Variants in WDFY4 observed in about 807,000 individuals in gnomAD.
The protein encoded by WDFY4 is WDFY family member 4, also known as WD repeat- and FYVE domain-containing protein 4.
WDFY4 carries 169 observed loss-of-function variants against 351.9 expected under a neutral mutation model. That is an observed-to-expected ratio of 0.48 (90% confidence interval 0.42 to 0.55). The LOEUF (loss-of-function observed/expected upper bound fraction) is 0.55, where lower values mean the gene tolerates loss of function less well. WDFY4 is among the 20% of genes least tolerant of loss of function. The pLI is 0.00. For missense variants in WDFY4, 3,803 were observed against 3,935.6 expected (o/e 0.97, Z 0.90); for synonymous variants, 1,622 against 1,574.6 (o/e 1.03, Z -0.71).
At chr10:48,902,582 A>T (rs986192684) in intron 47 of WDFY4, among the ~76,000 whole-genome samples, 1 of 151,998 alleles carries the variant, frequency 6.6e-6, no homozygotes, top group Non-Finnish European at 1.5e-5. Flanking sequence ...ATAGCTTGTG[A>T]TACATGGTAT....
At chr10:48,933,072 A>G (rs1840124193) in intron 47 of WDFY4, among the ~76,000 whole-genome samples, 2 of 152,166 alleles carry the variant, frequency 1.3e-5, no homozygotes, top group Admixed American at 1.3e-4. Flanking sequence ...GGCCAGCTGC[A>G]GGCAGGAGAA....
At chr10:48,750,910 G>T (rs2065162933) in intron 12 of WDFY4, among the ~76,000 whole-genome samples, 1 of 152,228 alleles carries the variant, frequency 6.6e-6, no homozygotes, top group Non-Finnish European at 1.5e-5. Flanking sequence ...CCCTGTGAAT[G>T]GTCACTGAGT....
intron 13 of WDFY4, among the ~76,000 whole-genome samples, chr10:48,765,015 G>A (rs887959870): frequency 2.0e-5 from 3 of 152,222 alleles, no homozygotes; most frequent in Admixed American, 2.0e-4. Context: ...GACACAGAAA[G>A]AAGCATAAAG....
chr10:48,956,757 A>G (rs971065245), intron 51 of WDFY4, among the ~76,000 whole-genome samples: 1 of 152,182 alleles, frequency 6.6e-6, no homozygotes, highest in Non-Finnish European at 1.5e-5. Flanking sequence ...AGTCCCAGTC[A>G]CTAGCACTCT....
chr10:48,848,849 C>T (rs143367558), intron 39 of WDFY4, among the ~76,000 whole-genome samples: 76 of 152,340 alleles, frequency 5.0e-4, no homozygotes, highest in African/African-American at 1.0e-3. Flanking sequence ...ACAGAGTGCT[C>T]GCACAGGTGT....
chr10:48,703,279 G>T (rs1380191654), intron 1 of WDFY4, among the ~76,000 whole-genome samples: 1 of 152,210 alleles, frequency 6.6e-6, no homozygotes, highest in African/African-American at 2.4e-5. Flanking sequence ...TGAGGCACTG[G>T]CTTTTGCATG....
chr10:48,887,636 G>A (rs941022387), intron 43 of WDFY4, among the ~76,000 whole-genome samples: 17 of 152,076 alleles, frequency 1.1e-4, no homozygotes, highest in African/African-American at 2.9e-4. Flanking sequence ...AAAATTAGCC[G>A]GGCGTGGTGG....
chr10:48,946,055 A>G lies in WDFY4; in HGVS notation c.7765A>G (p.Asn2589Asp), dbSNP rs1480646062. 7 of 1,544,880 alleles carry G rather than the reference A, an allele frequency of 4.5e-6. No individual in the cohort carries two copies. The East Asian group carries it at 1.7e-4, about 38-fold the overall frequency. The change falls in exon 50 of 62, where the codon AAT (asparagine) becomes GAT (aspartate). Residue 2589 changes from asparagine (N) to aspartate (D), a missense_variant. By Grantham distance (23) the Asn-to-Asp change is conservative. This residue lies in a region of WDFY4 where 3,054 missense variants were observed against 3,148.6 expected (regional missense o/e 0.97). Transcript: ENST00000325239. ...TGCCTTCTAGACATTGAACTTGGCA[A>G]ATCCGAAGATTTTCCGGGATCTTTC... ...DYTSETLNLA[N>D]PKIFRDLSKP...
chr10:48,978,150 C>T (rs561775893), intron 59 of WDFY4, among the ~76,000 whole-genome samples, 159 bp from the exon 60 acceptor site: 43 of 152,322 alleles, frequency 2.8e-4, no homozygotes, highest in African/African-American at 9.6e-4. Flanking sequence ...GGCTAAATAA[C>T]CTTTTACCTG....
intron 12 of WDFY4, among the ~76,000 whole-genome samples, chr10:48,757,638 C>CT (rs1196566204): frequency 5.3e-5 from 8 of 150,688 alleles, no homozygotes; most frequent in Middle Eastern, 3.4e-3. Flanking sequence ...TTTGTTTTCT[C>CT]TTTTTTTTTA....
rs192234792 is a variant in WDFY4, at chr10:48,726,946, A to C, written c.782-524A>C. 9.2e-5 allele frequency among the ~76,000 whole-genome samples: 14 copies of C among 152,198 alleles called. No individual in the cohort carries two copies. In the East Asian group the frequency reaches 2.5e-3, roughly 27 times the overall value. On this transcript the variant is annotated intron_variant, in intron 6 of 61. Coordinates refer to ENST00000325239, the MANE Select transcript of WDFY4 (RefSeq NM_001394531.1). ...GCACCACTCTGGTGGGGTAGCCAGT[A>C]AGCCCCATGGCCTGTCCCCTAGGAA... is the stretch of plus-strand genomic sequence containing the variant.
At chr10:48,848,513 C>A (rs768867476) in intron 39 of WDFY4, among the ~76,000 whole-genome samples, 3 of 152,180 alleles carry the variant, frequency 2.0e-5, no homozygotes, top group Non-Finnish European at 4.4e-5. Flanking sequence ...TCGTAGGTGG[C>A]GTCAGCAGGT....
At chr10:48,735,198 G>A (rs1252942778) in intron 10 of WDFY4, among the ~76,000 whole-genome samples, 1 of 152,174 alleles carries the variant, frequency 6.6e-6, no homozygotes, top group East Asian at 1.9e-4. Context: ...CCATTTGAAG[G>A]ATCCAGTTGC....
chr10:48,943,338 C>T lies in WDFY4; in HGVS notation c.7638C>T (p.Asp2546=), dbSNP rs1362410832. Residue 2546 remains aspartate (D), a synonymous_variant, in exon 49 of 62, where the codon GAC becomes GAT. Coordinates refer to ENST00000325239, the MANE Select transcript of WDFY4 (RefSeq NM_001394531.1). ...RIMLQKWQKR[D]ISNFEYLMYL... The stretch of plus-strand genomic sequence containing the variant: ...TCTGTCTCTTCTGGTAGAAAAGGGA[C>T]ATCAGCAATTTTGAGTATCTCATGT... 1 of 1,551,636 alleles carries T rather than the reference C, an allele frequency of 6.4e-7. No individual in the cohort carries two copies. Among genetic ancestry groups the T allele is most frequent in the African/African-American group, 1.4e-5 (1 of 73,174 alleles).
chr10:48,880,066 C>T (rs1169884232), intron 43 of WDFY4, among the ~76,000 whole-genome samples: 1 of 152,184 alleles, frequency 6.6e-6, no homozygotes, highest in Non-Finnish European at 1.5e-5. Flanking sequence ...CTCCTGGGGG[C>T]TTCTCTGGAA....
At chr10:48,715,582 A>G (rs188997975) in intron 2 of WDFY4, among the ~76,000 whole-genome samples, 122 of 152,284 alleles carry the variant, frequency 8.0e-4, no homozygotes, top group African/African-American at 2.8e-3. Context: ...GAAGAAAGAT[A>G]AACACCATTA....
Position 48,780,108 on chromosome 10 carries a change from G to T in WDFY4, c.3565G>T (p.Gly1189Cys), listed in dbSNP as rs1234848306. 7.1e-6 allele frequency: 11 copies of T among 1,552,002 alleles called. No individual in the cohort carries two copies. In the South Asian group the frequency reaches 1.3e-4, roughly 18 times the overall value. ...VSTCLDGQVI[G>C]SAKMLYIQAL... ...CACCTGTCTGGATGGACAGGTCATTGGCTCTGCCAAGGTGAGATGGCTCCT... is the reference window on the plus strand; with the variant it reads ...CACCTGTCTGGATGGACAGGTCATTTGCTCTGCCAAGGTGAGATGGCTCCT... The change falls in exon 19 of 62, where the codon GGC becomes TGC. Residue 1189 changes from glycine (G) to cysteine (C), a missense_variant. Transcript: ENST00000325239.
intron 39 of WDFY4, among the ~76,000 whole-genome samples, chr10:48,858,469 C>T (rs762374034): frequency 2.6e-5 from 4 of 152,204 alleles, no homozygotes; most frequent in Non-Finnish European, 5.9e-5. Context: ...GAAAAGCTAT[C>T]TGTTGAATAG....
chr10:48,953,667 T>C (rs1841449356), intron 51 of WDFY4, among the ~76,000 whole-genome samples: 1 of 152,252 alleles, frequency 6.6e-6, no homozygotes, highest in African/African-American at 2.4e-5. Flanking sequence ...AGCCTGCTGA[T>C]AAAACCACTT....
Sources: gnomAD v4.1 joint callset for allele counts (sites outside exome capture counted in the v4.1 genomes callset) on GRCh38, gnomAD v4.1.1 for gene constraint, gnomAD v4.1.1 regional missense constraint, MANE v1.5 for transcripts, NCBI Gene and HGNC (gene_info 2026-07-23, HGNC 2026-07-21) for gene names.